The following TBCA variants were observed in gnomAD, a reference collection of about 807,000 sequenced individuals.
TBCA encodes the protein tubulin-specific chaperone A.
TBCA carries 6 observed loss-of-function variants against 15.8 expected under a neutral mutation model. That is an observed-to-expected ratio of 0.38 (90% CI 0.21 to 0.75). TBCA has a LOEUF of 0.75. Ranked by LOEUF, TBCA falls within the 30% of genes least tolerant of loss-of-function variation. The probability of loss-of-function intolerance (pLI) is 0.46; values close to 1 mark genes in which losing one functional copy is unlikely to be tolerated. For missense variants in TBCA, 90 were observed against 131.2 expected, an observed-to-expected ratio of 0.69 and a Z score of 1.53; for synonymous variants, 32 against 42.3, an observed-to-expected ratio of 0.76 and a Z score of 0.94.
chr5:77,754,495 T>C (rs1747428409), intron 1 of TBCA, among the ~76,000 whole-genome samples: 1 of 152,226 alleles, frequency 6.6e-6, no homozygotes, highest in Admixed American at 6.5e-5. Context: ...TATTTACAAG[T>C]ATTTATTCCA....
rs185426787 is a variant in TBCA at position 77,767,974 on chromosome 5, T to A, written c.53+8231A>T. ...TCCCTTGTGAATGGGATTAAGGCCC[T>A]TATAAAAGAGGCTTCACACAGCCTT... On this transcript the variant is annotated intron_variant, in intron 1 of 3. Coordinates refer to ENST00000380377, the MANE Select transcript of TBCA (RefSeq NM_004607.3). Among the ~76,000 whole-genome samples, 116 of 152,308 alleles carry A rather than the reference T, an allele frequency of 7.6e-4. 3 individuals carry two copies. The East Asian group carries it at 0.012, about 16-fold the overall frequency.
intron 1 of TBCA, among the ~76,000 whole-genome samples, chr5:77,756,054 G>T (rs1157695585): frequency 1.3e-5 from 2 of 152,142 alleles, no homozygotes; most frequent in Admixed American, 1.3e-4. Flanking sequence ...TGCCCAAGGG[G>T]GGTCGTTCTC....
In TBCA at chr5:77,766,749, G is replaced by A. The variant is rs1234062950; in HGVS notation, c.53+9456C>T. Among the ~76,000 whole-genome samples the A allele has an allele frequency of 8.9e-5, 2 of 22,354 alleles. 1 individual carries two copies. Among genetic ancestry groups the A allele is most frequent in the African/African-American group, 3.8e-4 (2 of 5,226 alleles). The allele number at this position is 22,354 out of a possible 152,430, so 14.7% of individuals were successfully genotyped here. On this transcript the variant is annotated intron_variant, in intron 1 of 3. Transcript: ENST00000380377. ...CCTGACCTCGTGATCCGCCCGCCTC[G>A]GCCTCCCAAAGTGCTGGGATTACAG...
chr5:77,707,518 G>C (rs1746177261), intron 2 of TBCA, among the ~76,000 whole-genome samples: 1 of 152,086 alleles, frequency 6.6e-6, no homozygotes, highest in African/African-American at 2.4e-5. Flanking sequence ...GGCATGTTCA[G>C]GGAGCTATAA....
chr5:77,734,747 A>T (rs925166005), intron 1 of TBCA, among the ~76,000 whole-genome samples: 5 of 152,334 alleles, frequency 3.3e-5, no homozygotes, highest in African/African-American at 9.6e-5. Context: ...CGTGAGTAAA[A>T]GGTTATCAAA....
chr5:77,737,998 T>C (rs1746948439), intron 1 of TBCA, among the ~76,000 whole-genome samples: 2 of 152,220 alleles, frequency 1.3e-5, no homozygotes, highest in African/African-American at 2.4e-5. Context: ...GAACATTTCA[T>C]TTACCTTACC....
chr5:77,749,105 A>G (rs1040834790), intron 1 of TBCA, among the ~76,000 whole-genome samples: 2 of 152,238 alleles, frequency 1.3e-5, no homozygotes, highest in Non-Finnish European at 2.9e-5. Flanking sequence ...CCATGGTGTT[A>G]TTCAAGATTT....
chr5:77,711,263 G>A lies in TBCA; in HGVS notation c.54-2916C>T, dbSNP rs560048029. On this transcript the variant is annotated intron_variant, in intron 1 of 3. Transcript: ENST00000380377. ...GTATGGCTGTTTTCATGCTATAAGAGCAGAGAAGAGTAGTTGTGATAGAAG... is the reference window on the plus strand; with the variant it reads ...GTATGGCTGTTTTCATGCTATAAGAACAGAGAAGAGTAGTTGTGATAGAAG... Among the ~76,000 whole-genome samples, 6 of 152,224 alleles carry A rather than the reference G, an allele frequency of 3.9e-5. 1 individual carries two copies. The South Asian group carries it at 1.2e-3, about 32-fold the overall frequency.
chr5:77,715,157 G>T (rs1176511542), intron 1 of TBCA: 4 of 670,674 alleles, frequency 6.0e-6, no homozygotes, highest in Non-Finnish European at 1.1e-5. Context: ...ACTGATGAAA[G>T]AAGTTATAGG....
chr5:77,734,810 C>A (rs1746859394), intron 1 of TBCA, among the ~76,000 whole-genome samples: 1 of 152,160 alleles, frequency 6.6e-6, no homozygotes. Flanking sequence ...ATCAATGCAG[C>A]AATCTTCATT....
intron 1 of TBCA, among the ~76,000 whole-genome samples, chr5:77,761,713 G>C: frequency 6.8e-6 from 1 of 147,692 alleles, no homozygotes; most frequent in Non-Finnish European, 1.5e-5. Flanking sequence ...TTTTTTTTTG[G>C]CTAGTGTAAC....
chr5:77,765,816 T>A (rs1206575458), intron 1 of TBCA, among the ~76,000 whole-genome samples: 15 of 150,686 alleles, frequency 1.0e-4, no homozygotes, highest in Admixed American at 9.9e-4. Context: ...ATTACATATG[T>A]GTTCTAGGGG....
chr5:77,751,143 C>G (rs1747322841), intron 1 of TBCA, among the ~76,000 whole-genome samples: 1 of 146,564 alleles, frequency 6.8e-6, no homozygotes, highest in Non-Finnish European at 1.5e-5. Flanking sequence ...ACGGCCTGAC[C>G]AGTCTTTCTT....
At chr5:77,739,096 GT>G (rs1209472848) in intron 1 of TBCA, among the ~76,000 whole-genome samples, 2 of 152,208 alleles carry the variant, frequency 1.3e-5, no homozygotes, top group Non-Finnish European at 2.9e-5. Context: ...TTTTATATAT[GT>G]ATATGTATTA....
At chr5:77,746,677 A>C (rs1747193842) in intron 1 of TBCA, among the ~76,000 whole-genome samples, 1 of 152,212 alleles carries the variant, frequency 6.6e-6, no homozygotes, top group South Asian at 2.1e-4. Context: ...AAACAATAGA[A>C]AACCACTTTG....
intron 2 of TBCA, among the ~76,000 whole-genome samples, chr5:77,694,495 T>G (rs556315480): frequency 6.6e-6 from 1 of 152,288 alleles, no homozygotes; most frequent in Non-Finnish European, 1.5e-5. Context: ...GAAACCCAAT[T>G]GATAAGAGTA....
chr5:77,706,237 T>C (rs1002079022), intron 2 of TBCA, among the ~76,000 whole-genome samples: 1 of 152,220 alleles, frequency 6.6e-6, no homozygotes, highest in Non-Finnish European at 1.5e-5. Flanking sequence ...TTTTAAGATA[T>C]AGTCTGTACA....
chr5:77,711,002 T>A (rs1230592136), intron 1 of TBCA, among the ~76,000 whole-genome samples: 1 of 152,148 alleles, frequency 6.6e-6, no homozygotes, highest in Admixed American at 6.5e-5. Flanking sequence ...AGAGGCCCAT[T>A]CCATATCATC....
intron 1 of TBCA, among the ~76,000 whole-genome samples, chr5:77,710,011 GA>G (rs1746239435): frequency 6.6e-6 from 1 of 152,170 alleles, no homozygotes; most frequent in South Asian, 2.1e-4. Flanking sequence ...GACAACAGGG[GA>G]ATTGGAAAGG....
Sources: gnomAD v4.1 joint callset for allele counts (sites outside exome capture counted in the v4.1 genomes callset) on GRCh38, gnomAD v4.1.1 for gene constraint, MANE v1.5 for transcripts, NCBI Gene and HGNC (gene_info 2026-07-23, HGNC 2026-07-21) for gene names.